Variants in APC observed in about 807,000 individuals in gnomAD.
APC encodes the protein adenomatous polyposis coli protein.
APC carries 72 observed loss-of-function variants against 247.0 expected under a neutral mutation model. That is an observed-to-expected ratio of 0.29 (90% CI 0.24 to 0.35). The LOEUF is 0.35. APC is among the 10% of genes least tolerant of loss of function. The pLI, the probability that APC is intolerant of heterozygous loss-of-function variation, is 1.00. For synonymous variants in APC, 1,254 were observed against 1,162.5 expected, an observed-to-expected ratio of 1.08 and a Z score of -1.60; for missense variants, 3,400 against 3,360.7, an observed-to-expected ratio of 1.01 and a Z score of -0.29.
At chr5:112,749,608 C>A (rs1294568465) in intron 1 of APC, among the ~76,000 whole-genome samples, 2 of 151,568 alleles carry the variant, frequency 1.3e-5, no homozygotes, top group East Asian at 3.9e-4. Context: ...CTGCCTCAGC[C>A]TCCGGAGGCG....
At chr5:112,800,758 G>A (rs1218399605) in intron 7 of APC, among the ~76,000 whole-genome samples, 4 of 151,702 alleles carry the variant, frequency 2.6e-5, no homozygotes, top group Non-Finnish European at 5.9e-5. Context: ...CATTAGAAAA[G>A]GCTTTGGGTT....
At position 112,815,021 on chromosome 5, in the gene APC, T is replaced by G. The variant is rs531014788; in HGVS notation, c.835-474T>G. ...GTGTTTATATTATACTGCACTGCAG[T>G]CATTTATTTTTTCATGTCTTTGTCC... On this transcript the variant is annotated intron_variant, in intron 8 of 15. Coordinates refer to ENST00000257430, the MANE Select transcript of APC (RefSeq NM_000038.6). 4.6e-5 allele frequency among the ~76,000 whole-genome samples: 7 copies of G among 152,338 alleles called. No individual in the cohort carries two copies. The East Asian group carries it at 1.4e-3, about 29-fold the overall frequency.
chr5:112,814,740 T>A (rs1253562716), intron 8 of APC, among the ~76,000 whole-genome samples: 2 of 152,196 alleles, frequency 1.3e-5, no homozygotes, highest in Non-Finnish European at 2.9e-5. Context: ...GACAGCAACA[T>A]CTTTGAAATG....
chr5:112,748,154 G>A (rs1458755755), intron 1 of APC, among the ~76,000 whole-genome samples: 3 of 152,152 alleles, frequency 2.0e-5, no homozygotes, highest in Admixed American at 2.0e-4. Context: ...CCCACACGTG[G>A]TATGGGCTTG....
intron 6 of APC, among the ~76,000 whole-genome samples, chr5:112,784,549 A>T (rs1221120770): frequency 6.6e-6 from 1 of 152,228 alleles, no homozygotes; most frequent in African/African-American, 2.4e-5. Flanking sequence ...ATTTTAAATT[A>T]TTAAATGAAT....
chr5:112,828,578 A>G (rs1419845462), intron 13 of APC, among the ~76,000 whole-genome samples: 2 of 151,898 alleles, frequency 1.3e-5, no homozygotes, highest in East Asian at 3.9e-4. Flanking sequence ...CCAAGTAGCT[A>G]GAACTACTGC....
Position 112,827,161 on chromosome 5 carries a change from C to T in APC, c.1462C>T (p.Leu488Phe), listed in dbSNP as rs587779782. The change falls in exon 12 of 16, where the codon CTT (leucine) becomes TTT (phenylalanine). Residue 488 changes from leucine to phenylalanine, a missense_variant. Coordinates refer to ENST00000257430, the MANE Select transcript of APC (RefSeq NM_000038.6). ...LLQVDCEMYG[L>F]TNDHYSITLR... The stretch of plus-strand genomic sequence containing the variant: ...GCAAGTGGACTGTGAAATGTATGGG[C>T]TTACTAATGACCACTACAGTATTAC... 1.1e-5 allele frequency: 18 copies of T among 1,613,684 alleles called. No homozygotes were observed. The highest frequency in any genetic ancestry group is 1.7e-5 in the Admixed American group (1 of 60,008).
rs904927873 is a variant in APC, at chr5:112,724,550, C to T, written c.165+16668C>T. Among the ~76,000 whole-genome samples the T allele has an allele frequency of 2.7e-5, 4 of 150,280 alleles. No homozygotes were observed. The Admixed American group carries it at 2.7e-4, about 10-fold the overall frequency. The stretch of plus-strand genomic sequence containing the variant: ...TGAGAAAGAGCAATATATACGTAAT[C>T]CCAAGTGTGTGGTAAATGAGATAGT... On this transcript the variant is annotated intron_variant, in intron 1 of 13. Coordinates refer to the APC transcript ENST00000507379.
chr5:112,793,475 GA>G (rs995898457), intron 7 of APC, among the ~76,000 whole-genome samples: 1 of 127,242 alleles, frequency 7.9e-6, no homozygotes, highest in Non-Finnish European at 1.7e-5. Context: ...ACTAACCCAA[GA>G]AAAAAAACTT....
intron 1 of APC, among the ~76,000 whole-genome samples, chr5:112,750,533 C>T (rs910310106): frequency 1.3e-5 from 2 of 151,740 alleles, no homozygotes; most frequent in African/African-American, 4.8e-5. Context: ...TTACATCAGC[C>T]TCATTCTTCT....
In APC at chr5:112,846,053, CTT is replaced by C. The variant is rs1248047478; in HGVS notation, c.*1928_*1929del. ...ATGCCAGTAAATAAAAGTGCTATGA[CTT>C]GAGCTAAGATATTTGACTCCAATGC... On this transcript the variant is annotated 3_prime_UTR_variant, in exon 16 of 16. Transcript: ENST00000257430. 8.6e-6 allele frequency: 2 copies of C among 231,942 alleles called. No individual in the cohort carries two copies. Among genetic ancestry groups the C allele is most frequent in the East Asian group, 1.2e-4 (2 of 16,326 alleles). The allele number at this position is 231,942 out of a possible 1,614,324, so 14.4% of individuals were successfully genotyped here.
intron 1 of APC, among the ~76,000 whole-genome samples, chr5:112,747,064 A>G (rs2149710191): frequency 6.6e-6 from 1 of 152,314 alleles, no homozygotes; most frequent in Admixed American, 6.5e-5. Context: ...GTCTCACTCA[A>G]GTGATCCTCC....
intron 13 of APC, 96 bp from the exon 14 acceptor site, chr5:112,828,760 C>T (rs1247331505): frequency 2.3e-6 from 2 of 879,584 alleles, no homozygotes. Flanking sequence ...GAATTTCTTT[C>T]TTAATAGATT....
chr5:112,807,594 G>A (rs75658020), intron 8 of APC, among the ~76,000 whole-genome samples: 1 of 148,500 alleles, frequency 6.7e-6, no homozygotes, highest in Non-Finnish European at 1.5e-5. Flanking sequence ...CAGGTCTCTG[G>A]TAATAGCCAG....
chr5:112,801,020 A>T (rs986006786), intron 7 of APC, among the ~76,000 whole-genome samples: 2 of 152,108 alleles, frequency 1.3e-5, no homozygotes, highest in Non-Finnish European at 2.9e-5. Flanking sequence ...CTGGTAGAGG[A>T]TGGCATTCCT....
At chr5:112,751,786 G>A (rs1210130053) in intron 1 of APC, among the ~76,000 whole-genome samples, 1 of 151,530 alleles carries the variant, frequency 6.6e-6, no homozygotes, top group African/African-American at 2.4e-5. Context: ...TCATTAATTT[G>A]TGTTGACTAA....
intron 1 of APC, among the ~76,000 whole-genome samples, chr5:112,728,929 A>G (rs1224608019): frequency 6.6e-6 from 1 of 152,138 alleles, no homozygotes; most frequent in Non-Finnish European, 1.5e-5. Flanking sequence ...TGAGTTTTTT[A>G]ACCTAACACA....
At chr5:112,724,554 A>G (rs201139932) in intron 1 of APC, among the ~76,000 whole-genome samples, 1 of 125,252 alleles carries the variant, frequency 8.0e-6, no homozygotes, top group East Asian at 2.7e-4. Context: ...CGTAATCCCA[A>G]GTGTGTGGTA....
chr5:112,751,844 G>A (rs1754414093), intron 1 of APC, among the ~76,000 whole-genome samples: 1 of 151,906 alleles, frequency 6.6e-6, no homozygotes, highest in African/African-American at 2.4e-5. Context: ...TATATCCAGT[G>A]TTTCCACATT....
Sources: allele counts gnomAD v4.1 joint callset (sites outside exome capture counted in the v4.1 genomes callset), GRCh38; gene constraint gnomAD v4.1.1; transcripts MANE v1.5; gene names NCBI Gene and HGNC (gene_info 2026-07-23, HGNC 2026-07-21).